STT3B: variants seen among roughly 807,000 people sequenced by gnomAD.
The protein encoded by STT3B is dolichyl-diphosphooligosaccharide--protein glycosyltransferase subunit STT3B.
A neutral mutation model predicts 96.8 loss-of-function variants in STT3B; 29 were observed. That is an observed-to-expected ratio of 0.30 (90% CI 0.22 to 0.41). The LOEUF is 0.41. Among genes scored for constraint, STT3B ranks in the 10% least tolerant of loss-of-function variants. The pLI is 1.00. For missense variants in STT3B, 640 were observed against 1,022.3 expected, an observed-to-expected ratio of 0.63 and a Z score of 5.10; for synonymous variants, 367 against 360.0, an observed-to-expected ratio of 1.02 and a Z score of -0.22.
chr3:31,614,909 A>G (rs1559387089), intron 5 of STT3B, among the ~76,000 whole-genome samples, 196 bp from the exon 6 acceptor site: 1 of 151,978 alleles, frequency 6.6e-6, no homozygotes, highest in Non-Finnish European at 1.5e-5. Context: ...AGTACTTAGT[A>G]TTTTTGAAAA....
intron 1 of STT3B, among the ~76,000 whole-genome samples, chr3:31,567,065 A>G (rs1052704797): frequency 1.3e-5 from 2 of 152,186 alleles, no homozygotes; most frequent in Non-Finnish European, 2.9e-5. Flanking sequence ...TCAAACTGTC[A>G]TTATGCTCTC....
At chr3:31,609,886 G>A (rs887139257) in intron 5 of STT3B, among the ~76,000 whole-genome samples, 6 of 152,130 alleles carry the variant, frequency 3.9e-5, no homozygotes, top group Non-Finnish European at 5.9e-5. Context: ...TAAAAATGTT[G>A]TGATTAAGTA....
At position 31,538,776 on chromosome 3, in the gene STT3B, C is replaced by A. The variant is rs185116156; in HGVS notation, c.314+5464C>A. Reference sequence around the variant, plus strand: ...AAACCTGTAAATGGTTAACCTGCTACTCTGTCTTCAACCGTCTATCTACCT... The same window carrying A: ...AAACCTGTAAATGGTTAACCTGCTAATCTGTCTTCAACCGTCTATCTACCT... On this transcript the variant is annotated intron_variant, in intron 1 of 15. Coordinates refer to ENST00000295770, the MANE Select transcript of STT3B (RefSeq NM_178862.3). Among the ~76,000 whole-genome samples, 390 of 152,260 alleles carry A rather than the reference C, an allele frequency of 2.6e-3. 2 individuals are homozygous for A. The highest frequency in any genetic ancestry group is 4.2e-3 in the Non-Finnish European group (285 of 67,968).
chr3:31,557,919 T>C (rs1185376382), intron 1 of STT3B, among the ~76,000 whole-genome samples: 6 of 152,216 alleles, frequency 3.9e-5, no homozygotes, highest in Admixed American at 1.3e-4. Flanking sequence ...CGTGAGCCAC[T>C]GTATTTTTTA....
At chr3:31,575,188 A>G (rs896884452) in intron 1 of STT3B, among the ~76,000 whole-genome samples, 1 of 152,118 alleles carries the variant, frequency 6.6e-6, no homozygotes, top group Non-Finnish European at 1.5e-5. Context: ...GAACATAAGT[A>G]ACTTGCCCAA....
chr3:31,618,250 A>G (rs1699352499), intron 8 of STT3B, among the ~76,000 whole-genome samples: 1 of 149,898 alleles, frequency 6.7e-6, no homozygotes, highest in African/African-American at 2.4e-5. Context: ...AAGAATATTT[A>G]GGTTACCTTT....
At chr3:31,623,212 AG>A (rs1055912459) in intron 10 of STT3B, among the ~76,000 whole-genome samples, 12 of 152,276 alleles carry the variant, frequency 7.9e-5, no homozygotes, top group African/African-American at 2.9e-4. Context: ...TGTTGGTTTT[AG>A]GGTTTCGAAA....
At chr3:31,565,887 A>T (rs1224842846) in intron 1 of STT3B, among the ~76,000 whole-genome samples, 1 of 152,218 alleles carries the variant, frequency 6.6e-6, no homozygotes, top group Non-Finnish European at 1.5e-5. Flanking sequence ...TAGAAAGGGC[A>T]TAAGCTTTAA....
At chr3:31,620,663 T>C (rs1699407186) in intron 9 of STT3B, among the ~76,000 whole-genome samples, 1 of 152,230 alleles carries the variant, frequency 6.6e-6, no homozygotes, top group Non-Finnish European at 1.5e-5. Flanking sequence ...AATAAGCAGA[T>C]ATCAAAGGCT....
intron 5 of STT3B, among the ~76,000 whole-genome samples, chr3:31,603,225 G>A (rs545630255): frequency 6.6e-6 from 1 of 152,234 alleles, no homozygotes; most frequent in Admixed American, 6.5e-5. Context: ...TGAAAAAGTT[G>A]TGTCCTCTTT....
At chr3:31,568,523 T>C (rs1160210498) in intron 1 of STT3B, among the ~76,000 whole-genome samples, 1 of 152,226 alleles carries the variant, frequency 6.6e-6, no homozygotes, top group Non-Finnish European at 1.5e-5. Flanking sequence ...CAGCATTTGT[T>C]ACTGCCTGTC....
In STT3B at chr3:31,593,494, A is replaced by G. The variant is rs964067752; in HGVS notation, c.712-3304A>G. On this transcript the variant is annotated intron_variant, in intron 3 of 15. Coordinates refer to ENST00000295770, the MANE Select transcript of STT3B (RefSeq NM_178862.3). The stretch of plus-strand genomic sequence containing the variant: ...ATCTGTAGATTAGTGCTTACCTTAG[A>G]ATTTGGGAAGTTGTAATTGTTTCTT... Among the ~76,000 whole-genome samples the G allele has an allele frequency of 2.0e-5, 3 of 151,912 alleles. No individual in the cohort carries two copies. In the East Asian group the frequency reaches 5.8e-4, roughly 29 times the overall value.
chr3:31,533,175 CG>C lies in STT3B; in HGVS notation c.183del (p.Leu62CysfsTer62). On this transcript the variant is annotated frameshift_variant, in exon 1 of 16. Coordinates refer to ENST00000295770, the MANE Select transcript of STT3B (RefSeq NM_178862.3). LOFTEE classifies it high-confidence loss of function. ...PPKPAPAGLS[G>X]GLSQPAGWQS... The stretch of plus-strand genomic sequence containing the variant: ...CGAAGCCGGCCCCGGCGGGGCTGTC[CG>C]GGGGGCTGTCGCAGCCGGCTGGGTG... The C allele has an allele frequency of 1.4e-6, 2 of 1,410,516 alleles. No individual in the cohort carries two copies. Among genetic ancestry groups the C allele is most frequent in the Non-Finnish European group, 9.3e-7 (1 of 1,071,748 alleles). The allele number at this position is 1,410,516 out of a possible 1,614,324, so 87.4% of individuals were successfully genotyped here. A position where few individuals can be genotyped will look rare whatever the true frequency, so the allele number is the denominator to read the frequency against.
At chr3:31,619,020 T>A (rs886177733) in intron 8 of STT3B, among the ~76,000 whole-genome samples, 2 of 152,078 alleles carry the variant, frequency 1.3e-5, no homozygotes, top group Admixed American at 6.5e-5. Context: ...AGTAATAATT[T>A]TTTCAGTCCT....
chr3:31,558,821 A>G (rs753120511), intron 1 of STT3B, among the ~76,000 whole-genome samples: 12 of 149,802 alleles, frequency 8.0e-5, no homozygotes, highest in South Asian at 2.1e-4. Context: ...GAGAACTTCT[A>G]TTACTAATTC....
chr3:31,615,709 C>T (rs951314894), intron 6 of STT3B, among the ~76,000 whole-genome samples: 4 of 151,824 alleles, frequency 2.6e-5, no homozygotes, highest in African/African-American at 7.2e-5. Flanking sequence ...TATGTAATTA[C>T]GCAGTCACCT....
chr3:31,555,879 A>T (rs1697695208), intron 1 of STT3B, among the ~76,000 whole-genome samples: 1 of 152,126 alleles, frequency 6.6e-6, no homozygotes, highest in South Asian at 2.1e-4. Context: ...TTGAGTATTT[A>T]TTATTTCTAC....
chr3:31,569,148 A>G (rs1162227912), intron 1 of STT3B, among the ~76,000 whole-genome samples: 1 of 152,006 alleles, frequency 6.6e-6, no homozygotes, highest in Admixed American at 6.6e-5. Flanking sequence ...TTGTTGGACT[A>G]CAGGCATGTG....
intron 8 of STT3B, among the ~76,000 whole-genome samples, chr3:31,618,455 G>T (rs536910596): frequency 3.8e-4 from 55 of 143,162 alleles, no homozygotes; most frequent in African/African-American, 1.3e-3. Flanking sequence ...ATCTGTTGTG[G>T]TTTTTTTTTT....
Sources: allele counts gnomAD v4.1 joint callset (sites outside exome capture counted in the v4.1 genomes callset), GRCh38; gene constraint gnomAD v4.1.1; transcripts MANE v1.5; gene names NCBI Gene and HGNC (gene_info 2026-07-23, HGNC 2026-07-21).